Variants in NAALADL2 observed in about 807,000 individuals in gnomAD.
NAALADL2 encodes the protein inactive N-acetylated-alpha-linked acidic dipeptidase-like protein 2.
A neutral mutation model predicts 87.2 loss-of-function variants in NAALADL2; 76 were observed. The observed-to-expected ratio is 0.87, with a 90% CI of 0.72 to 1.05. The LOEUF (loss-of-function observed/expected upper bound fraction) is 1.05. Ranked by LOEUF, NAALADL2 falls within the 50% of genes least tolerant of loss-of-function variation. The pLI, the probability that NAALADL2 is intolerant of heterozygous loss-of-function variation, is 0.00. For missense variants in NAALADL2, 1,089 were observed against 945.8 expected (o/e 1.15, Z -1.99); for synonymous variants, 354 against 331.0 (o/e 1.07, Z -0.75).
intron 2 of NAALADL2, among the ~76,000 whole-genome samples, chr3:174,717,861 C>T (rs757307608): frequency 1.3e-5 from 2 of 152,108 alleles, no homozygotes; most frequent in Admixed American, 6.6e-5. Context: ...CATGGTGGCT[C>T]ATGCCTGTAA....
At chr3:175,483,326 CTT>C (rs563162771) in intron 9 of NAALADL2, among the ~76,000 whole-genome samples, 24 of 131,458 alleles carry the variant, frequency 1.8e-4, no homozygotes, top group African/African-American at 2.2e-4. Context: ...TACTTTTTGG[CTT>C]TTTTTTTTTT....
intron 5 of NAALADL2, among the ~76,000 whole-genome samples, chr3:175,367,454 C>G (rs370549392): frequency 6.6e-6 from 1 of 151,906 alleles, no homozygotes; most frequent in East Asian, 1.9e-4. Context: ...TGGGGCAATA[C>G]GGCCATTTTC....
chr3:174,679,217 A>T (rs970694878), intron 2 of NAALADL2, among the ~76,000 whole-genome samples: 1 of 152,078 alleles, frequency 6.6e-6, no homozygotes, highest in South Asian at 2.1e-4. Context: ...TCTATTCTGC[A>T]TATTCCATGT....
chr3:175,675,678 A>G (rs1320791020), intron 11 of NAALADL2: 1 of 152,204 alleles, frequency 6.6e-6, no homozygotes, highest in Admixed American at 6.5e-5. Context: ...CAATCGGAAT[A>G]GGAACTTTCC....
chr3:174,858,110 T>A (rs1726054659), upstream of NAALADL2, among the ~76,000 whole-genome samples: 1 of 147,996 alleles, frequency 6.8e-6, no homozygotes, highest in African/African-American at 2.5e-5. Context: ...TGCAGACTAA[T>A]AAAAATGTTT....
intron 2 of NAALADL2, among the ~76,000 whole-genome samples, chr3:175,148,392 T>C (rs985397702): frequency 6.6e-6 from 1 of 152,084 alleles, no homozygotes; most frequent in South Asian, 2.1e-4. Flanking sequence ...AGGTAGGTTG[T>C]CTGTTGATTT....
intron 2 of NAALADL2, among the ~76,000 whole-genome samples, chr3:174,716,938 T>C (rs151304305): frequency 7.9e-4 from 120 of 152,298 alleles, no homozygotes; most frequent in African/African-American, 2.7e-3. Flanking sequence ...AGTTGAGACA[T>C]ATTAATATTC....
chr3:174,665,851 C>G (rs893232206), intron 2 of NAALADL2, among the ~76,000 whole-genome samples: 4 of 152,168 alleles, frequency 2.6e-5, no homozygotes, highest in Admixed American at 6.5e-5. Context: ...CTTGTACTTA[C>G]CAGCAATCCT....
chr3:174,607,369 G>A (rs1719214536), intron 2 of NAALADL2, among the ~76,000 whole-genome samples: 1 of 151,474 alleles, frequency 6.6e-6, no homozygotes, highest in African/African-American at 2.4e-5. Context: ...GACACAGACT[G>A]GCAATTTGGA....
chr3:175,051,588 C>A (rs139067937), intron 1 of NAALADL2, among the ~76,000 whole-genome samples: 3 of 152,272 alleles, frequency 2.0e-5, no homozygotes, highest in African/African-American at 7.2e-5. Context: ...AAGAGTCTCT[C>A]GATCAGTTAG....
chr3:174,929,728 T>C (rs1479296850), intron 1 of NAALADL2, among the ~76,000 whole-genome samples: 1 of 152,198 alleles, frequency 6.6e-6, no homozygotes, highest in African/African-American at 2.4e-5. Context: ...ATCTTACTTT[T>C]TTTCTTGTTT....
At chr3:175,522,406 C>T (rs1345494938) in intron 9 of NAALADL2, among the ~76,000 whole-genome samples, 3 of 152,148 alleles carry the variant, frequency 2.0e-5, no homozygotes, top group Non-Finnish European at 4.4e-5. Flanking sequence ...GAAGGCCCCA[C>T]TGAGGTCATG....
At chr3:175,131,088 G>A (rs1466042134) in intron 2 of NAALADL2, among the ~76,000 whole-genome samples, 1 of 147,320 alleles carries the variant, frequency 6.8e-6, no homozygotes, top group Non-Finnish European at 1.5e-5. Context: ...TTTTATCAGT[G>A]TTTTACAGTT....
intron 1 of NAALADL2, among the ~76,000 whole-genome samples, chr3:175,052,911 C>G (rs1254871266): frequency 6.6e-6 from 1 of 152,162 alleles, no homozygotes; most frequent in Non-Finnish European, 1.5e-5. Context: ...CCATTTTGTT[C>G]AGACCAGCTT....
chr3:175,672,195 G>A (rs1463361035), intron 11 of NAALADL2, among the ~76,000 whole-genome samples: 1 of 152,120 alleles, frequency 6.6e-6, no homozygotes, highest in African/African-American at 2.4e-5. Context: ...TAGAAATTGT[G>A]TTGGCTTTTT....
intron 3 of NAALADL2, among the ~76,000 whole-genome samples, chr3:174,821,903 G>A (rs1459420911): frequency 2.0e-5 from 3 of 152,144 alleles, no homozygotes; most frequent in African/African-American, 7.2e-5. Context: ...GGACAGCTAG[G>A]GAGGGGTTTG....
chr3:175,620,787 G>A (rs1003470633), intron 10 of NAALADL2, among the ~76,000 whole-genome samples: 1 of 152,178 alleles, frequency 6.6e-6, no homozygotes, highest in Non-Finnish European at 1.5e-5. Flanking sequence ...AATCTGGCAG[G>A]TTACAGGTTC....
Position 175,096,955 on chromosome 3 carries a change from A to T in NAALADL2, c.209A>T (p.Glu70Val). ...GFDQFQLDGA[E>V]NQNLGHSETI... ...GACCAATTCCAGCTAGACGGTGCTGAGAATCAGAACCTAGGGCATTCAGAG... is the reference window on the plus strand; with the variant it reads ...GACCAATTCCAGCTAGACGGTGCTGTGAATCAGAACCTAGGGCATTCAGAG... Residue 70 changes from glutamate (E) to valine (V), a missense_variant, in exon 2 of 14, where the codon GAG becomes GTG. Glu to Val is a moderately radical substitution (Grantham distance 121). Coordinates refer to ENST00000454872, the MANE Select transcript of NAALADL2 (RefSeq NM_207015.3). 1 of 1,613,376 alleles carries T rather than the reference A, an allele frequency of 6.2e-7. No homozygotes were observed. Among genetic ancestry groups the T allele is most frequent in the Non-Finnish European group, 8.5e-7 (1 of 1,179,640 alleles).
chr3:174,831,479 G>T (rs1001371634), intron 3 of NAALADL2, among the ~76,000 whole-genome samples: 6 of 141,120 alleles, frequency 4.3e-5, no homozygotes, highest in Non-Finnish European at 6.2e-5. Context: ...TGGTGGATAA[G>T]CTTTTTGATG....
Sources: allele counts gnomAD v4.1 joint callset (sites outside exome capture counted in the v4.1 genomes callset), GRCh38; gene constraint gnomAD v4.1.1; transcripts MANE v1.5; gene names NCBI Gene and HGNC (gene_info 2026-07-23, HGNC 2026-07-21).